The following FBLN5 variants were observed in gnomAD, a reference collection of about 807,000 sequenced individuals.
FBLN5 encodes fibulin 5, also known as fibulin-5.
A neutral mutation model predicts 61.6 loss-of-function variants in FBLN5; 24 were observed. The ratio of observed to expected loss-of-function variants is 0.39; its 90% CI spans 0.28 to 0.55. The LOEUF is 0.55. Among genes scored for constraint, FBLN5 ranks in the 20% least tolerant of loss-of-function variants. The pLI, the probability that FBLN5 is intolerant of heterozygous loss-of-function variation, is 0.65. For synonymous variants in FBLN5, 213 were observed against 219.8 expected (o/e 0.97, Z 0.27); for missense variants, 470 against 594.1 (o/e 0.79, Z 2.17).
chr14:91,871,432 G>A (rs533622053), intron 10 of FBLN5, among the ~76,000 whole-genome samples: 100 of 152,216 alleles, frequency 6.6e-4, no homozygotes, highest in African/African-American at 2.1e-3. Context: ...ATAATTTCGC[G>A]TGAACTCTCT....
intron 4 of FBLN5, among the ~76,000 whole-genome samples, chr14:91,919,633 C>T (rs756627836): frequency 1.3e-5 from 2 of 152,188 alleles, no homozygotes; most frequent in African/African-American, 2.4e-5. Flanking sequence ...GCGGGCCCTA[C>T]TCCAAAATGT....
chr14:91,936,446 C>G (rs2056017148), intron 4 of FBLN5, among the ~76,000 whole-genome samples: 1 of 152,180 alleles, frequency 6.6e-6, no homozygotes, highest in African/African-American at 2.4e-5. Context: ...AGTTCCAACC[C>G]AAGTAACCTA....
At chr14:91,916,564 T>C (rs1891204357) in intron 4 of FBLN5, among the ~76,000 whole-genome samples, 1 of 152,208 alleles carries the variant, frequency 6.6e-6, no homozygotes, top group Non-Finnish European at 1.5e-5. Context: ...GTTAGTTTTC[T>C]TTGGGGGCAG....
chr14:91,879,925 G>T (rs886169738), intron 9 of FBLN5, among the ~76,000 whole-genome samples: 2 of 152,160 alleles, frequency 1.3e-5, no homozygotes, highest in African/African-American at 4.8e-5. Flanking sequence ...TGAACATTTG[G>T]AATATAGGAG....
chr14:91,903,134 T>C (rs184271657), intron 4 of FBLN5, among the ~76,000 whole-genome samples: 161 of 152,320 alleles, frequency 1.1e-3, no homozygotes, highest in African/African-American at 3.7e-3. Flanking sequence ...GATTCTTAAC[T>C]GGATTCTTCT....
At chr14:91,905,300 C>G (rs565197365) in intron 4 of FBLN5, among the ~76,000 whole-genome samples, 1 of 152,140 alleles carries the variant, frequency 6.6e-6, no homozygotes, top group Non-Finnish European at 1.5e-5. Flanking sequence ...CTATCACCTG[C>G]CCCCCTAGAG....
At chr14:91,871,173 A>C (rs1387871372) in intron 10 of FBLN5, among the ~76,000 whole-genome samples, 1 of 150,518 alleles carries the variant, frequency 6.6e-6, no homozygotes, top group African/African-American at 2.4e-5. Flanking sequence ...GTTTTAAAAA[A>C]CGTTTTTGAG....
At chr14:91,870,999 T>C (rs1888898364) in intron 10 of FBLN5, among the ~76,000 whole-genome samples, 2 of 152,066 alleles carry the variant, frequency 1.3e-5, no homozygotes, top group Admixed American at 6.5e-5. Context: ...CACCAGGGCC[T>C]GCTTCAGGGT....
intron 3 of FBLN5, 75 bp downstream of exon 3, chr14:91,940,490 C>A: frequency 8.1e-7 from 1 of 1,239,888 alleles, no homozygotes. Flanking sequence ...CATTGAACAA[C>A]AGAGAAAGAA....
chr14:91,884,502 TTTAA>T (rs1339817996), intron 7 of FBLN5, among the ~76,000 whole-genome samples: 12 of 152,366 alleles, frequency 7.9e-5, no homozygotes, highest in African/African-American at 2.6e-4. Flanking sequence ...CCTCCTCTTA[TTTAA>T]TTCTCACCTC....
intron 9 of FBLN5, chr14:91,877,911 C>A (rs1231436007): frequency 4.8e-6 from 3 of 628,872 alleles, no homozygotes; most frequent in Non-Finnish European, 8.8e-6. Context: ...GTTCTGGCTA[C>A]TAAATAGAAT....
rs927604571 is a variant in FBLN5, at chr14:91,947,032, C to G, written c.17+181G>C. ...AATACCCACTCCCAAAAGAACGCTTCAAGATGGAAATTACAGAGGCGCAGC... is the reference window on the plus strand; with the variant it reads ...AATACCCACTCCCAAAAGAACGCTTGAAGATGGAAATTACAGAGGCGCAGC... On this transcript the variant is annotated intron_variant, in intron 1 of 10. Coordinates refer to ENST00000342058, the MANE Select transcript of FBLN5 (RefSeq NM_006329.4). The surrounding 1 kb of genome is among the most constrained non-coding windows in gnomAD (Gnocchi z 4.3). The G allele has an allele frequency of 6.5e-7, 1 of 1,532,528 alleles. No individual in the cohort carries two copies. The highest frequency in any genetic ancestry group is 8.8e-7 in the Non-Finnish European group (1 of 1,140,140). The allele number at this position is 1,532,528 out of a possible 1,614,324, so 94.9% of individuals were successfully genotyped here. A position where few individuals can be genotyped will look rare whatever the true frequency, so the allele number is the denominator to read the frequency against.
At chr14:91,905,559 G>A (rs1310765431) in intron 4 of FBLN5, among the ~76,000 whole-genome samples, 3 of 150,264 alleles carry the variant, frequency 2.0e-5, no homozygotes, top group East Asian at 3.9e-4. Context: ...GAAACAGGCC[G>A]GTAGGTAACT....
At chr14:91,880,585 T>C (rs1889391623) in intron 9 of FBLN5, among the ~76,000 whole-genome samples, 1 of 151,850 alleles carries the variant, frequency 6.6e-6, no homozygotes, top group African/African-American at 2.4e-5. Flanking sequence ...TCTCACTCTG[T>C]CACCCAGACT....
intron 5 of FBLN5, 71 bp from the exon 6 acceptor site, chr14:91,891,408 ATTGCC>A: frequency 2.1e-6 from 2 of 968,798 alleles, no homozygotes; most frequent in Non-Finnish European, 3.4e-6. Flanking sequence ...GCATGGCATG[ATTGCC>A]TTGCTCTTCC....
chr14:91,938,154 A>G (rs945726442), intron 3 of FBLN5, among the ~76,000 whole-genome samples: 2 of 152,330 alleles, frequency 1.3e-5, no homozygotes, highest in African/African-American at 4.8e-5. Context: ...AGTCTCTTGC[A>G]TCAGGAAAAG....
intron 7 of FBLN5, among the ~76,000 whole-genome samples, chr14:91,883,368 A>T (rs958293447): frequency 5.3e-5 from 8 of 152,084 alleles, no homozygotes; most frequent in Non-Finnish European, 1.0e-4. Context: ...TGCACCTTCC[A>T]TTCATTATAA....
intron 4 of FBLN5, among the ~76,000 whole-genome samples, chr14:91,935,241 T>C (rs4904827): frequency 0.13 from 19,698 of 152,232 alleles, 1,517 homozygotes; most frequent in African/African-American, 0.21. Context: ...TCAAGGGCAC[T>C]GGGACCCTGG....
chr14:91,927,162 C>G (rs1245580595), intron 4 of FBLN5, among the ~76,000 whole-genome samples: 2 of 152,182 alleles, frequency 1.3e-5, no homozygotes, highest in Non-Finnish European at 2.9e-5. Context: ...CAACATCAAA[C>G]AGGATTCCTC....
Sources: gnomAD v4.1 joint callset for allele counts (sites outside exome capture counted in the v4.1 genomes callset) on GRCh38, gnomAD v4.1.1 for gene constraint, Gnocchi (gnomAD v3.1) non-coding constraint, MANE v1.5 for transcripts, NCBI Gene and HGNC (gene_info 2026-07-23, HGNC 2026-07-21) for gene names.